Variants in STPG2 observed in about 807,000 individuals in gnomAD.
The protein encoded by STPG2 is sperm tail PG-rich repeat containing 2, also known as sperm-tail PG-rich repeat-containing protein 2.
A neutral mutation model predicts 54.2 loss-of-function variants in STPG2; 56 were observed. That is an observed-to-expected ratio of 1.03 (90% CI 0.83 to 1.29). The LOEUF is 1.29. Ranked by LOEUF, STPG2 falls within the 50% of genes most tolerant of loss-of-function variation. The pLI is 0.00. For missense variants in STPG2, 596 were observed against 544.9 expected (o/e 1.09, Z -0.93); for synonymous variants, 200 against 181.8 (o/e 1.10, Z -0.81).
chr4:97,448,899 T>TA (rs1241422269), intron 4 of STPG2, among the ~76,000 whole-genome samples: 3 of 152,022 alleles, frequency 2.0e-5, no homozygotes, highest in East Asian at 1.9e-4. Flanking sequence ...CTGAGGATAT[T>TA]AAAAAAAGAA....
chr4:97,957,366 TCAAA>T (rs767095083), intron 7 of STPG2, among the ~76,000 whole-genome samples: 1 of 150,960 alleles, frequency 6.6e-6, no homozygotes, highest in South Asian at 2.1e-4. Flanking sequence ...ATTCACCCAA[TCAAA>T]CAAAGACAAA....
intron 9 of STPG2, among the ~76,000 whole-genome samples, chr4:97,736,350 A>G (rs1200929341): frequency 6.6e-6 from 1 of 152,188 alleles, no homozygotes; most frequent in East Asian, 1.9e-4. Flanking sequence ...AGTGCCAGAC[A>G]GTGGGCGCAG....
intron 5 of STPG2, among the ~76,000 whole-genome samples, chr4:98,040,576 C>A (rs530502244): frequency 1.3e-4 from 20 of 151,636 alleles, no homozygotes; most frequent in Admixed American, 7.2e-4. Flanking sequence ...GACTAAGGAC[C>A]TTTTCCCTAT....
At chr4:97,991,666 TA>T (rs1196690115) in intron 5 of STPG2, among the ~76,000 whole-genome samples, 1 of 152,102 alleles carries the variant, frequency 6.6e-6, no homozygotes, top group Non-Finnish European at 1.5e-5. Context: ...TTTAGTTTTT[TA>T]AGGACTTTCC....
At chr4:98,108,841 T>G (rs1370315473) in intron 4 of STPG2, among the ~76,000 whole-genome samples, 1 of 151,882 alleles carries the variant, frequency 6.6e-6, no homozygotes, top group Non-Finnish European at 1.5e-5. Context: ...ATATAGTAGA[T>G]AGCACAAGAT....
At chr4:97,844,110 C>T (rs916761179) in intron 8 of STPG2, among the ~76,000 whole-genome samples, 12 of 151,794 alleles carry the variant, frequency 7.9e-5, no homozygotes, top group Non-Finnish European at 1.6e-4. Context: ...TAATTTCATA[C>T]AAATTCAGAA....
At chr4:97,448,175 T>C (rs1046312431) in intron 4 of STPG2, among the ~76,000 whole-genome samples, 1 of 152,148 alleles carries the variant, frequency 6.6e-6, no homozygotes, top group African/African-American at 2.4e-5. Context: ...CCCCATATTG[T>C]ATCTTGGAAG....
intron 4 of STPG2, among the ~76,000 whole-genome samples, chr4:97,451,295 C>A (rs1230371529): frequency 6.6e-6 from 1 of 151,698 alleles, no homozygotes; most frequent in Non-Finnish European, 1.5e-5. Context: ...GAAATATGCC[C>A]ATTATATTAA....
chr4:97,632,285 G>GTTTT, intron 10 of STPG2, among the ~76,000 whole-genome samples: 1 of 140,872 alleles, frequency 7.1e-6, no homozygotes, highest in African/African-American at 2.6e-5. Context: ...AAGCTTATTG[G>GTTTT]TTTTTTTTTT....
At chr4:97,459,914 T>C (rs1729621010) in intron 4 of STPG2, among the ~76,000 whole-genome samples, 1 of 152,190 alleles carries the variant, frequency 6.6e-6, no homozygotes, top group Non-Finnish European at 1.5e-5. Context: ...CTGTTTCCTC[T>C]CTGTCAGTCT....
At chr4:97,752,097 C>T (rs1334373372) in intron 9 of STPG2, among the ~76,000 whole-genome samples, 1 of 151,664 alleles carries the variant, frequency 6.6e-6, no homozygotes, top group African/African-American at 2.4e-5. Context: ...ATACAAAACC[C>T]TTATGATTTT....
chr4:97,898,315 A>T (rs1223068013), intron 8 of STPG2, among the ~76,000 whole-genome samples: 1 of 151,884 alleles, frequency 6.6e-6, no homozygotes, highest in African/African-American at 2.4e-5. Context: ...TTCTTCAATG[A>T]TCATGTGTTA....
chr4:97,722,866 C>A (rs1260117894), intron 9 of STPG2, among the ~76,000 whole-genome samples: 1 of 147,794 alleles, frequency 6.8e-6, no homozygotes, highest in Non-Finnish European at 1.5e-5. Flanking sequence ...GGTGCGATCT[C>A]GGCTCACTGA....
intron 10 of STPG2, among the ~76,000 whole-genome samples, chr4:97,610,500 T>C (rs1186270558): frequency 6.6e-6 from 1 of 151,972 alleles, no homozygotes; most frequent in Non-Finnish European, 1.5e-5. Flanking sequence ...AAGAAGCCAG[T>C]AGCAGAGGGA....
At chr4:97,521,674 T>C (rs889938497) in intron 4 of STPG2, among the ~76,000 whole-genome samples, 2 of 152,094 alleles carry the variant, frequency 1.3e-5, no homozygotes, top group African/African-American at 4.8e-5. Flanking sequence ...GAAATACACC[T>C]ATGAAGTAAT....
intron 5 of STPG2, among the ~76,000 whole-genome samples, chr4:98,100,826 C>T (rs891763142): frequency 9.9e-5 from 15 of 151,862 alleles, no homozygotes; most frequent in Admixed American, 7.9e-4. Context: ...CAGGCACGTG[C>T]CACCATGCTG....
chr4:97,780,589 C>T (rs1407753424), intron 9 of STPG2, among the ~76,000 whole-genome samples: 2 of 122,100 alleles, frequency 1.6e-5, no homozygotes, highest in African/African-American at 3.3e-5. Context: ...ACCTAATAGA[C>T]ATCTGCAGAA....
intron 9 of STPG2, among the ~76,000 whole-genome samples, chr4:97,740,931 G>C (rs534232826): frequency 2.0e-5 from 3 of 152,188 alleles, no homozygotes; most frequent in African/African-American, 7.2e-5. Flanking sequence ...AAAGAACAAA[G>C]CTGGAGGCAT....
At chr4:97,845,156 GT>G (rs554407070) in intron 8 of STPG2, among the ~76,000 whole-genome samples, 74 of 148,080 alleles carry the variant, frequency 5.0e-4, no homozygotes, top group South Asian at 6.4e-4. Context: ...TATCTAATAA[GT>G]TTTTTTTTTG....
Sources: allele counts gnomAD v4.1 joint callset (sites outside exome capture counted in the v4.1 genomes callset), GRCh38; gene constraint gnomAD v4.1.1; transcripts MANE v1.5; gene names NCBI Gene and HGNC (gene_info 2026-07-23, HGNC 2026-07-21).